The following ARHGAP15 variants were observed in gnomAD, a reference collection of about 807,000 sequenced individuals.
The protein encoded by ARHGAP15 is Rho GTPase activating protein 15.
Under a neutral mutation model 63.7 loss-of-function variants are expected in ARHGAP15, and 51 were observed. The observed-to-expected ratio is 0.80, with a 90% CI of 0.64 to 1.01. The LOEUF (loss-of-function observed/expected upper bound fraction) is 1.01, where lower values mean the gene tolerates loss of function less well. Ranked by LOEUF, ARHGAP15 falls within the 50% of genes least tolerant of loss-of-function variation. ARHGAP15 has a pLI of 0.00. For missense variants in ARHGAP15, 560 were observed against 564.6 expected, an observed-to-expected ratio of 0.99 and a Z score of 0.08; for synonymous variants, 191 against 193.8, an observed-to-expected ratio of 0.99 and a Z score of 0.12.
chr2:143,501,277 TC>T (rs1276565349), intron 9 of ARHGAP15, among the ~76,000 whole-genome samples: 5 of 152,256 alleles, frequency 3.3e-5, no homozygotes, highest in African/African-American at 1.2e-4. Flanking sequence ...GATGTTTACA[TC>T]TTTTGTGACT....
intron 1 of ARHGAP15, among the ~76,000 whole-genome samples, chr2:143,142,641 G>A (rs1689417532): frequency 6.6e-6 from 1 of 152,018 alleles, no homozygotes; most frequent in Non-Finnish European, 1.5e-5. Context: ...CTGTTGTAAG[G>A]GAGATGAAAG....
chr2:143,605,705 A>G (rs1697965787), intron 11 of ARHGAP15, among the ~76,000 whole-genome samples: 4 of 151,618 alleles, frequency 2.6e-5, no homozygotes, highest in South Asian at 4.2e-4. Flanking sequence ...CAGGGAGCCA[A>G]TTGAAACCTA....
Position 143,330,117 on chromosome 2 carries a change from AAAAAAAAAAAAAAACC to A in ARHGAP15, c.474+79523_474+79538del, listed in dbSNP as rs1558897842. Among the ~76,000 whole-genome samples the A allele has an allele frequency of 6.8e-4, 58 of 85,342 alleles. 2 individuals are homozygous for A. Among genetic ancestry groups the A allele is most frequent in the Non-Finnish European group, 1.1e-3 (45 of 42,684 alleles). The allele number at this position is 85,342 out of a possible 152,430, so 56.0% of individuals were successfully genotyped here. On this transcript the variant is annotated intron_variant, in intron 6 of 13. Coordinates refer to ENST00000295095, the MANE Select transcript of ARHGAP15 (RefSeq NM_018460.4). ...CTCAAAAAAAAAAAAAAAAAAAAAA[AAAAAAAAAAAAAAACC>A]AAAAACAAAAAACTAAACTAATGAT...
At chr2:143,730,570 T>G (rs1010099076) in intron 13 of ARHGAP15, among the ~76,000 whole-genome samples, 2 of 152,162 alleles carry the variant, frequency 1.3e-5, no homozygotes, top group African/African-American at 4.8e-5. Context: ...GTTGCTGGCC[T>G]CATCTCGAAA....
intron 6 of ARHGAP15, among the ~76,000 whole-genome samples, chr2:143,354,679 A>G (rs1558915631): frequency 6.6e-6 from 1 of 152,202 alleles, no homozygotes; most frequent in Admixed American, 6.6e-5. Context: ...TAGCTTGAAT[A>G]ATATATTAAT....
intron 13 of ARHGAP15, among the ~76,000 whole-genome samples, chr2:143,745,959 G>A (rs925061850): frequency 6.6e-6 from 1 of 152,182 alleles, no homozygotes; most frequent in African/African-American, 2.4e-5. Context: ...TTTCGTTCCA[G>A]TAATTAAAAC....
At chr2:143,431,619 T>A (rs774404509) in intron 6 of ARHGAP15, among the ~76,000 whole-genome samples, 1 of 152,050 alleles carries the variant, frequency 6.6e-6, no homozygotes, top group Admixed American at 6.6e-5. Context: ...GACATGAGCA[T>A]TGTGTGTGCT....
intron 6 of ARHGAP15, among the ~76,000 whole-genome samples, chr2:143,329,654 G>T (rs954786363): frequency 5.3e-5 from 8 of 152,046 alleles, no homozygotes; most frequent in African/African-American, 1.9e-4. Flanking sequence ...TAAATTGGTG[G>T]CAATTTGTTA....
intron 6 of ARHGAP15, among the ~76,000 whole-genome samples, chr2:143,328,458 A>G (rs903649866): frequency 3.9e-5 from 6 of 152,132 alleles, no homozygotes; most frequent in African/African-American, 1.4e-4. Context: ...GAAGCTGGAA[A>G]CCATCATTCT....
At chr2:143,477,158 G>A (rs1041750216) in intron 8 of ARHGAP15, among the ~76,000 whole-genome samples, 3 of 151,464 alleles carry the variant, frequency 2.0e-5, no homozygotes, top group Non-Finnish European at 4.4e-5. Flanking sequence ...TTTAATGAGA[G>A]CCAAATCATT....
At chr2:143,275,211 G>A (rs751706365) in intron 6 of ARHGAP15, among the ~76,000 whole-genome samples, 14 of 152,184 alleles carry the variant, frequency 9.2e-5, no homozygotes, top group Middle Eastern at 3.4e-3. Flanking sequence ...CAATTATCTT[G>A]ATGGGGCAGG....
At chr2:143,590,579 CT>C (rs1697282021) in intron 11 of ARHGAP15, among the ~76,000 whole-genome samples, 1 of 152,182 alleles carries the variant, frequency 6.6e-6, no homozygotes, top group African/African-American at 2.4e-5. Context: ...CTGGCCCCTT[CT>C]TTTCCTCACC....
chr2:143,692,209 G>C (rs1574847702), intron 12 of ARHGAP15, among the ~76,000 whole-genome samples: 1 of 152,110 alleles, frequency 6.6e-6, no homozygotes, highest in South Asian at 2.1e-4. Context: ...TTGGGGCAGG[G>C]GGGCAGGGAG....
chr2:143,497,320 G>A (rs1478509397), intron 9 of ARHGAP15, among the ~76,000 whole-genome samples: 4 of 152,182 alleles, frequency 2.6e-5, no homozygotes, highest in Non-Finnish European at 5.9e-5. Flanking sequence ...TGTGTTAGAA[G>A]TCTGCTGCGC....
intron 1 of ARHGAP15, among the ~76,000 whole-genome samples, chr2:143,132,574 C>A (rs959908393): frequency 6.6e-6 from 1 of 152,194 alleles, no homozygotes; most frequent in African/African-American, 2.4e-5. Context: ...CATAGCTGAA[C>A]AATTACTGAA....
intron 8 of ARHGAP15, among the ~76,000 whole-genome samples, chr2:143,447,136 T>A (rs1690179933): frequency 6.6e-6 from 1 of 152,202 alleles, no homozygotes; most frequent in South Asian, 2.1e-4. Flanking sequence ...CCTTTGGGTA[T>A]ATACCCAGTA....
At chr2:143,747,180 T>A (rs1686200154) in intron 13 of ARHGAP15, among the ~76,000 whole-genome samples, 1 of 151,924 alleles carries the variant, frequency 6.6e-6, no homozygotes, top group African/African-American at 2.4e-5. Flanking sequence ...CAAACCACCA[T>A]GGCATATGTA....
intron 6 of ARHGAP15, among the ~76,000 whole-genome samples, chr2:143,407,002 A>G (rs1212452657): frequency 1.3e-5 from 2 of 151,980 alleles, no homozygotes; most frequent in Non-Finnish European, 2.9e-5. Context: ...ATACATAACT[A>G]CAAGGGAGGC....
At chr2:143,423,889 A>C (rs1689035382) in intron 6 of ARHGAP15, among the ~76,000 whole-genome samples, 1 of 152,172 alleles carries the variant, frequency 6.6e-6, no homozygotes, top group Non-Finnish European at 1.5e-5. Context: ...TTTTAAATAA[A>C]TTGTTCAAAG....
Sources: allele counts gnomAD v4.1 joint callset (sites outside exome capture counted in the v4.1 genomes callset), GRCh38; gene constraint gnomAD v4.1.1; transcripts MANE v1.5; gene names NCBI Gene and HGNC (gene_info 2026-07-23, HGNC 2026-07-21).